Variants in KYAT3 observed in about 807,000 individuals in gnomAD.
KYAT3 encodes the protein kynurenine aminotransferase 3.
In KYAT3, 50 loss-of-function variants were observed where a neutral mutation model predicts 59.0. The observed-to-expected ratio is 0.85, with a 90% confidence interval of 0.68 to 1.07. KYAT3 has a LOEUF of 1.07. Among genes scored for constraint, KYAT3 ranks in the 50% least tolerant of loss-of-function variants. The pLI is 0.00. For synonymous variants in KYAT3, 148 were observed against 177.0 expected (o/e 0.84, Z 1.30); for missense variants, 497 against 533.3 (o/e 0.93, Z 0.67).
chr1:88,967,170 C>T (rs912628807), intron 4 of KYAT3, among the ~76,000 whole-genome samples: 2 of 151,950 alleles, frequency 1.3e-5, no homozygotes, highest in Non-Finnish European at 2.9e-5. Context: ...CTGGAGTTTT[C>T]TTTATTTCTT....
chr1:88,926,567 T>G, the KYAT3 span, among the ~76,000 whole-genome samples: 10 of 152,180 alleles, frequency 6.6e-5, no homozygotes, highest in Non-Finnish European at 1.3e-4. Flanking sequence ...CCTCCTGTCT[T>G]GGCCTCCCAA....
intron 2 of KYAT3, chr1:88,980,290 A>G (rs1476336703): frequency 6.6e-6 from 1 of 152,664 alleles, no homozygotes; most frequent in East Asian, 1.9e-4. Flanking sequence ...AAACAGATAC[A>G]GTTTACTGTA....
At chr1:88,971,551 G>A (rs1038922142) in intron 2 of KYAT3, among the ~76,000 whole-genome samples, 1 of 152,022 alleles carries the variant, frequency 6.6e-6, no homozygotes, top group Non-Finnish European at 1.5e-5. Context: ...AATATTAAGA[G>A]GAATACAATT....
At chr1:88,929,977 G>A in the KYAT3 span, among the ~76,000 whole-genome samples, 1 of 152,168 alleles carries the variant, frequency 6.6e-6, no homozygotes, top group Admixed American at 6.5e-5. Context: ...CAGCTTTCCA[G>A]GCCCTAAAGA....
At chr1:88,952,943 T>C (rs939971137) in intron 10 of KYAT3, 120 bp downstream of exon 10, 6 of 624,272 alleles carry the variant, frequency 9.6e-6, no homozygotes, top group Non-Finnish European at 1.7e-5. Context: ...TTCCAAATTA[T>C]ATTAGAAGGC....
chr1:88,983,877 C>G, intron 2 of KYAT3: 3 of 1,610,624 alleles, frequency 1.9e-6, no homozygotes, highest in Non-Finnish European at 2.5e-6. Context: ...CAAGCTCCAA[C>G]AAGCTCGCCG....
intron 5 of KYAT3, among the ~76,000 whole-genome samples, chr1:88,963,016 C>T (rs1341388684): frequency 4.7e-5 from 7 of 148,302 alleles, no homozygotes; most frequent in African/African-American, 1.5e-4. Flanking sequence ...ATATTTATTG[C>T]GTCCTCACTA....
chr1:88,943,966 TA>T (rs34239281), intron 11 of KYAT3, among the ~76,000 whole-genome samples: 5,799 of 152,304 alleles, frequency 0.038, 318 homozygotes, highest in African/African-American at 0.12. Flanking sequence ...TATTTATAAA[TA>T]CAGGATATCT....
chr1:88,983,996 T>C, intron 2 of KYAT3: 1 of 564,792 alleles, frequency 1.8e-6, no homozygotes. Flanking sequence ...AAGGTATGGC[T>C]ATCCATTCAA....
At chr1:88,951,221 C>A (rs758833415) in intron 10 of KYAT3, among the ~76,000 whole-genome samples, 2 of 151,532 alleles carry the variant, frequency 1.3e-5, no homozygotes, top group African/African-American at 4.8e-5. Flanking sequence ...CTATCAACAT[C>A]TTTTTTTTCT....
At chr1:88,986,772 T>C (rs1677481574) in intron 2 of KYAT3, among the ~76,000 whole-genome samples, 1 of 152,222 alleles carries the variant, frequency 6.6e-6, no homozygotes, top group African/African-American at 2.4e-5. Context: ...AAGTTCACAG[T>C]AACTTATCTG....
At chr1:88,955,248 G>C in intron 8 of KYAT3, 23 bp from the exon 9 acceptor site, 1 of 1,398,780 alleles carries the variant, frequency 7.1e-7, no homozygotes, top group Non-Finnish European at 1.0e-6. Context: ...GGAAAAAAGG[G>C]TAAATATTGT....
chr1:88,961,072 G>T, intron 8 of KYAT3, 95 bp downstream of exon 8: 1 of 1,240,712 alleles, frequency 8.1e-7, no homozygotes, highest in Non-Finnish European at 1.2e-6. Context: ...CCATTACAAA[G>T]ACTGTTTTAG....
chr1:88,977,621 G>A (rs1333017984), intron 2 of KYAT3, among the ~76,000 whole-genome samples: 1 of 152,212 alleles, frequency 6.6e-6, no homozygotes, highest in Non-Finnish European at 1.5e-5. Context: ...TTATAGGCGT[G>A]AGCCACTGCA....
chr1:88,931,911 C>T (rs1400255314), downstream of KYAT3, among the ~76,000 whole-genome samples: 1 of 46,738 alleles, frequency 2.1e-5, no homozygotes, highest in Non-Finnish European at 5.2e-5. Context: ...AAAAAAAAAG[C>T]CATTTCCTCC....
At chr1:88,936,346 C>A in intron 13 of KYAT3, 101 bp from the exon 14 acceptor site, 1 of 922,086 alleles carries the variant, frequency 1.1e-6, no homozygotes, top group Non-Finnish European at 1.6e-6. Flanking sequence ...AAGTGAATAT[C>A]TGATCTCAAG....
In KYAT3 at chr1:88,955,224, A is replaced by C; in HGVS notation, c.789T>G (p.Ala263=). Residue 263 remains alanine, a splice_region_variant and synonymous_variant, in exon 9 of 14, where the codon GCT becomes GCG. Coordinates refer to ENST00000260508, the MANE Select transcript of KYAT3 (RefSeq NM_001008661.3). ...VYSGNKHLKI[A]TFPGMWERTI... is the part of the protein sequence containing the mutation. ...TTCTCTCCCACATACCTGGAAAAGTAGCTAAACAGAGGAGGAAAAAAGGGT... is the reference window on the plus strand; with the variant it reads ...TTCTCTCCCACATACCTGGAAAAGTCGCTAAACAGAGGAGGAAAAAAGGGT... 1 of 1,600,010 alleles carries C rather than the reference A, an allele frequency of 6.2e-7. No homozygotes were observed. Among genetic ancestry groups the C allele is most frequent in the Middle Eastern group, 1.7e-4 (1 of 6,032 alleles).
intron 13 of KYAT3, among the ~76,000 whole-genome samples, chr1:88,940,080 T>C (rs917579083): frequency 6.6e-5 from 10 of 152,128 alleles, no homozygotes; most frequent in African/African-American, 2.4e-4. Flanking sequence ...ATTGTTATTA[T>C]ATTTTTTGAG....
chr1:88,922,251 A>C, the KYAT3 span, among the ~76,000 whole-genome samples: 1 of 152,196 alleles, frequency 6.6e-6, no homozygotes, highest in African/African-American at 2.4e-5. Context: ...GAACACCAGG[A>C]AAGAATGACT....
Sources: allele counts gnomAD v4.1 joint callset (sites outside exome capture counted in the v4.1 genomes callset), GRCh38; gene constraint gnomAD v4.1.1; transcripts MANE v1.5; gene names NCBI Gene and HGNC (gene_info 2026-07-23, HGNC 2026-07-21).